The following CDH13 variants were observed in gnomAD, a reference collection of about 807,000 sequenced individuals.
The protein encoded by CDH13 is cadherin-13.
CDH13 carries 24 observed loss-of-function variants against 63.8 expected under a neutral mutation model. That is an observed-to-expected ratio of 0.38 (90% CI 0.27 to 0.53). CDH13 has a LOEUF of 0.53. CDH13 is among the 20% of genes least tolerant of loss of function. The pLI is 0.85. For synonymous variants in CDH13, 503 were observed against 355.3 expected, an observed-to-expected ratio of 1.42 and a Z score of -4.67; for missense variants, 1,049 against 903.1, an observed-to-expected ratio of 1.16 and a Z score of -2.07.
At chr16:82,993,874 C>A (rs1422043477) in intron 2 of CDH13, among the ~76,000 whole-genome samples, 3 of 152,134 alleles carry the variant, frequency 2.0e-5, no homozygotes, top group Non-Finnish European at 4.4e-5. Context: ...CCTGGTGCTT[C>A]GTTCTTTGGT....
intron 2 of CDH13, among the ~76,000 whole-genome samples, chr16:83,006,904 T>TG (rs1249871518): frequency 6.6e-4 from 94 of 142,134 alleles, no homozygotes; most frequent in Admixed American, 2.6e-3. Flanking sequence ...TTTTGATTTT[T>TG]TTTGTTTGTT....
At chr16:83,239,582 A>C (rs1400771673) in intron 5 of CDH13, among the ~76,000 whole-genome samples, 1 of 152,212 alleles carries the variant, frequency 6.6e-6, no homozygotes, top group East Asian at 1.9e-4. Context: ...ACACAAAGAA[A>C]ATAGGCATAG....
chr16:83,174,827 A>G (rs9937714), intron 4 of CDH13, among the ~76,000 whole-genome samples: 72,005 of 151,884 alleles, frequency 0.47, 19,978 homozygotes, highest in African/African-American at 0.77. Flanking sequence ...ACATCTTATC[A>G]CAGTAAAGCA....
In CDH13 at chr16:83,047,786, G is replaced by T. The variant is rs1037687324; in HGVS notation, c.366+15568G>T. Among the ~76,000 whole-genome samples the T allele has an allele frequency of 6.6e-6, 1 of 152,154 alleles. No individual in the cohort carries two copies. Among genetic ancestry groups the T allele is most frequent in the Admixed American group, 6.5e-5 (1 of 15,282 alleles). On this transcript the variant is annotated intron_variant, in intron 3 of 13. Coordinates refer to ENST00000567109, the MANE Select transcript of CDH13 (RefSeq NM_001257.5). The surrounding 1 kb of genome is among the most constrained non-coding windows in gnomAD (Gnocchi z 4.9). ...AGTCAATTTATTTAGCTCAAACGTTGTGCGGGGCACCACTTTAAGTGCATT... is the reference window on the plus strand; with the variant it reads ...AGTCAATTTATTTAGCTCAAACGTTTTGCGGGGCACCACTTTAAGTGCATT...
chr16:83,310,054 G>C (rs1449437136), intron 5 of CDH13, among the ~76,000 whole-genome samples: 8 of 152,024 alleles, frequency 5.3e-5, no homozygotes, highest in Admixed American at 2.6e-4. Flanking sequence ...TAATAATTCC[G>C]ACATACTTCT....
intron 8 of CDH13, among the ~76,000 whole-genome samples, chr16:83,634,304 TC>T (rs771069598): frequency 2.1e-4 from 32 of 152,130 alleles, no homozygotes; most frequent in Non-Finnish European, 4.0e-4. Flanking sequence ...CTTGGGCTTC[TC>T]CCCTGGCAAT....
chr16:83,400,994 A>T (rs563032182), intron 6 of CDH13, among the ~76,000 whole-genome samples: 115 of 152,260 alleles, frequency 7.6e-4, no homozygotes, highest in African/African-American at 2.6e-3. Context: ...ACTTGAGGCC[A>T]GGAGTTCGAG....
At chr16:83,217,647 A>G (rs998463831) in intron 5 of CDH13, 150 bp downstream of exon 5, 2 of 754,858 alleles carry the variant, frequency 2.6e-6, no homozygotes, top group African/African-American at 3.5e-5. Context: ...AGTGGATGGA[A>G]TTGAACCCTG....
chr16:82,766,973 A>G (rs1414639117), intron 1 of CDH13, among the ~76,000 whole-genome samples: 2 of 152,154 alleles, frequency 1.3e-5, no homozygotes, highest in Admixed American at 6.5e-5. Context: ...TTACCATTTA[A>G]TCCACGCATT....
chr16:82,642,022 C>T (rs1051429411), intron 1 of CDH13, among the ~76,000 whole-genome samples: 2 of 149,370 alleles, frequency 1.3e-5, no homozygotes, highest in South Asian at 2.1e-4. Flanking sequence ...CCAGTTCTTC[C>T]ATTCACCAAC....
intron 4 of CDH13, among the ~76,000 whole-genome samples, chr16:83,177,730 G>A (rs929132733): frequency 6.6e-6 from 1 of 152,158 alleles, no homozygotes. Flanking sequence ...ATTTAAATAC[G>A]TGGTCAAGTA....
intron 12 of CDH13, among the ~76,000 whole-genome samples, chr16:83,782,390 G>A (rs563828242): frequency 6.6e-6 from 1 of 152,194 alleles, no homozygotes; most frequent in African/African-American, 2.4e-5. Context: ...CAGTCTCTAT[G>A]TTGCGGGTTC....
intron 4 of CDH13, among the ~76,000 whole-genome samples, chr16:83,146,744 G>A (rs925565443): frequency 3.3e-5 from 5 of 152,092 alleles, no homozygotes; most frequent in South Asian, 2.1e-4. Flanking sequence ...GACAAAATAG[G>A]CCATAGATAT....
intron 4 of CDH13, among the ~76,000 whole-genome samples, chr16:83,132,377 T>A (rs1016041128): frequency 1.4e-4 from 22 of 151,928 alleles, no homozygotes; most frequent in African/African-American, 5.3e-4. Flanking sequence ...TTTATCTATG[T>A]CTAACTATAT....
rs562862183 is a variant in CDH13 at position 83,251,463 on chromosome 16, C to A, written c.636+33966C>A. Among the ~76,000 whole-genome samples the A allele has an allele frequency of 3.3e-5, 5 of 152,292 alleles. No individual in the cohort carries two copies. The South Asian group carries it at 1.0e-3, about 32-fold the overall frequency. On this transcript the variant is annotated intron_variant, in intron 5 of 13. Transcript: ENST00000567109. ...TTACCCAGCTGGTAAGTGGTGAGGCCAGAATCATTCCAGATGGTCTGTCTC... is the reference window on the plus strand; with the variant it reads ...TTACCCAGCTGGTAAGTGGTGAGGCAAGAATCATTCCAGATGGTCTGTCTC...
At chr16:82,741,563 T>G (rs1306120665) in intron 1 of CDH13, among the ~76,000 whole-genome samples, 1 of 152,226 alleles carries the variant, frequency 6.6e-6, no homozygotes, top group African/African-American at 2.4e-5. Flanking sequence ...CTCATTCATT[T>G]TCTATCGTTA....
intron 3 of CDH13, among the ~76,000 whole-genome samples, chr16:83,091,957 C>A (rs2033933194): frequency 6.6e-6 from 1 of 152,150 alleles, no homozygotes; most frequent in Non-Finnish European, 1.5e-5. Flanking sequence ...ACAAATAATT[C>A]TAGTAAGTTC....
In CDH13 at chr16:83,678,274, G is replaced by A. The variant is rs776340601; in HGVS notation, c.1351G>A (p.Val451Ile). ...LIKVENEDPL[V>I]PDVSYGPSST... ...CAAAGTGGAAAATGAAGACCCACTC[G>A]TACCCGACGTCTCCTACGGCCCCAG... Residue 451 changes from valine to isoleucine, a missense_variant, in exon 10 of 14, where the codon GTA (valine) becomes ATA (isoleucine). Coordinates refer to ENST00000567109, the MANE Select transcript of CDH13 (RefSeq NM_001257.5). 33 of 1,613,760 alleles carry A rather than the reference G, an allele frequency of 2.0e-5. No homozygotes were observed. Among genetic ancestry groups the A allele is most frequent in the South Asian group, 6.6e-5 (6 of 91,082 alleles).
At chr16:82,723,725 A>G (rs2032925237) in intron 1 of CDH13, among the ~76,000 whole-genome samples, 1 of 152,160 alleles carries the variant, frequency 6.6e-6, no homozygotes, top group African/African-American at 2.4e-5. Flanking sequence ...TCACTTGTTG[A>G]AATTTTGGAG....
Sources: allele counts gnomAD v4.1 joint callset (sites outside exome capture counted in the v4.1 genomes callset), GRCh38; gene constraint gnomAD v4.1.1; non-coding constraint Gnocchi (gnomAD v3.1); transcripts MANE v1.5; gene names NCBI Gene and HGNC (gene_info 2026-07-23, HGNC 2026-07-21).